The following NRXN3 variants were observed in gnomAD, a reference collection of about 807,000 sequenced individuals.
NRXN3 encodes neurexin III.
A neutral mutation model predicts 137.6 loss-of-function variants in NRXN3; 32 were observed. That is an observed-to-expected ratio of 0.23 (90% CI 0.18 to 0.31). The LOEUF (loss-of-function observed/expected upper bound fraction) is 0.31, where lower values mean the gene tolerates loss of function less well. NRXN3 is among the 10% of genes least tolerant of loss of function. The pLI, the probability that NRXN3 is intolerant of heterozygous loss-of-function variation, is 1.00. For missense variants in NRXN3, 1,574 were observed against 2,062.5 expected, an observed-to-expected ratio of 0.76 and a Z score of 4.59; for synonymous variants, 798 against 784.5, an observed-to-expected ratio of 1.02 and a Z score of -0.29.
At chr14:79,644,374 GAGA>G (rs1489058121) in intron 16 of NRXN3, among the ~76,000 whole-genome samples, 1 of 135,834 alleles carries the variant, frequency 7.4e-6, no homozygotes, top group Non-Finnish European at 1.7e-5. Flanking sequence ...AATCTCCTGA[GAGA>G]AGAAGGTTTG....
chr14:78,411,931 C>T (rs576035034), intron 4 of NRXN3, among the ~76,000 whole-genome samples: 5 of 152,312 alleles, frequency 3.3e-5, no homozygotes, highest in Admixed American at 3.3e-4. Context: ...GTTTTCATTT[C>T]CAAATAGAAA....
intron 19 of NRXN3, among the ~76,000 whole-genome samples, chr14:79,727,760 G>A (rs2098900146): frequency 6.6e-6 from 1 of 152,038 alleles, no homozygotes; most frequent in African/African-American, 2.4e-5. Context: ...CCCCCATTGT[G>A]CAAATATTAT....
intron 10 of NRXN3, among the ~76,000 whole-genome samples, chr14:78,869,281 G>C (rs1027678821): frequency 6.6e-6 from 1 of 152,028 alleles, no homozygotes; most frequent in Non-Finnish European, 1.5e-5. Flanking sequence ...TTCTCCACAC[G>C]ATCACTGATC....
At chr14:78,892,228 C>A (rs2099161107) in intron 10 of NRXN3, among the ~76,000 whole-genome samples, 1 of 151,892 alleles carries the variant, frequency 6.6e-6, no homozygotes, top group Non-Finnish European at 1.5e-5. Flanking sequence ...CTTTAATGTG[C>A]TAAAGGATGC....
chr14:79,610,773 G>A lies in NRXN3; in HGVS notation c.3445-53005G>A, dbSNP rs184365515. On this transcript the variant is annotated intron_variant, in intron 16 of 20. Coordinates refer to ENST00000335750, the MANE Select transcript of NRXN3 (RefSeq NM_001330195.2). The stretch of plus-strand genomic sequence containing the variant: ...CACCTTCCTTAAGAAGCAGGGCAAA[G>A]AGGTGACAGTTTTTATACTGAAATC... Among the ~76,000 whole-genome samples the A allele has an allele frequency of 3.3e-5, 5 of 152,328 alleles. No homozygotes were observed. In the East Asian group the frequency reaches 9.6e-4, roughly 29 times the overall value.
chr14:78,825,597 G>A (rs1412646516), intron 10 of NRXN3, among the ~76,000 whole-genome samples: 3 of 152,200 alleles, frequency 2.0e-5, no homozygotes, highest in Non-Finnish European at 2.9e-5. Context: ...GCCTCACGGC[G>A]TGAATTGCTC....
At chr14:78,353,180 G>A (rs888646235) in intron 4 of NRXN3, among the ~76,000 whole-genome samples, 1 of 152,174 alleles carries the variant, frequency 6.6e-6, no homozygotes, top group African/African-American at 2.4e-5. Flanking sequence ...TAATGCTAAG[G>A]AAAGTCAGGG....
At chr14:78,708,675 C>T (rs1419447639) in intron 6 of NRXN3, 1 of 153,212 alleles carries the variant, frequency 6.5e-6, no homozygotes, top group Non-Finnish European at 1.5e-5. Flanking sequence ...CCCACGCCCC[C>T]ACACTTTTAC....
chr14:79,685,500 G>A (rs2098690958), intron 17 of NRXN3, among the ~76,000 whole-genome samples: 1 of 152,108 alleles, frequency 6.6e-6, no homozygotes, highest in Admixed American at 6.6e-5. Context: ...TTTATAACAT[G>A]GCCTTTTTGA....
At chr14:79,830,723 C>A (rs2099320687) in intron 20 of NRXN3, among the ~76,000 whole-genome samples, 1 of 152,192 alleles carries the variant, frequency 6.6e-6, no homozygotes, top group Non-Finnish European at 1.5e-5. Context: ...TAACCATAGA[C>A]ACAGGCAAAG....
chr14:78,185,267 A>G (rs2060142005), intron 1 of NRXN3, among the ~76,000 whole-genome samples: 1 of 152,190 alleles, frequency 6.6e-6, no homozygotes, highest in South Asian at 2.1e-4. Context: ...TGGAGGGAGT[A>G]ATGACCTCCT....
At chr14:79,822,174 C>G (rs1013695635) in intron 20 of NRXN3, among the ~76,000 whole-genome samples, 1 of 152,150 alleles carries the variant, frequency 6.6e-6, no homozygotes, top group Admixed American at 6.5e-5. Context: ...CAAATATATG[C>G]TCTAGTGATG....
chr14:79,442,685 T>C (rs1037450206), intron 15 of NRXN3, among the ~76,000 whole-genome samples: 3 of 152,212 alleles, frequency 2.0e-5, no homozygotes, highest in Non-Finnish European at 4.4e-5. Flanking sequence ...TGTGCCCAAC[T>C]TCAGCTAAAG....
intron 15 of NRXN3, among the ~76,000 whole-genome samples, chr14:79,302,768 C>G (rs2085359878): frequency 6.6e-6 from 1 of 151,916 alleles, no homozygotes; most frequent in Admixed American, 6.6e-5. Flanking sequence ...TTGGTTTTCC[C>G]TCACCTTCTG....
intron 10 of NRXN3, among the ~76,000 whole-genome samples, chr14:78,883,934 A>G (rs565521785): frequency 1.3e-5 from 2 of 152,310 alleles, no homozygotes; most frequent in South Asian, 4.1e-4. Context: ...TTAGTTCTTT[A>G]AATTTCTTTT....
intron 15 of NRXN3, among the ~76,000 whole-genome samples, chr14:79,003,577 A>G (rs571980471): frequency 7.0e-4 from 106 of 152,274 alleles, no homozygotes; most frequent in African/African-American, 1.6e-3. Flanking sequence ...CCCGTAGCCA[A>G]ACTCTCATCC....
chr14:79,161,792 C>T (rs942910135), intron 15 of NRXN3, among the ~76,000 whole-genome samples: 9 of 151,938 alleles, frequency 5.9e-5, no homozygotes, highest in African/African-American at 9.6e-5. Context: ...TCGTCCTGAA[C>T]GGGTCATGCT....
At chr14:79,218,831 A>G (rs1190808697) in intron 15 of NRXN3, among the ~76,000 whole-genome samples, 1 of 152,110 alleles carries the variant, frequency 6.6e-6, no homozygotes, top group Non-Finnish European at 1.5e-5. Flanking sequence ...GTAAGCCAGG[A>G]AGAGGAGTTG....
chr14:78,557,247 G>T (rs2096747732), intron 4 of NRXN3, among the ~76,000 whole-genome samples: 1 of 147,372 alleles, frequency 6.8e-6, no homozygotes, highest in Non-Finnish European at 1.5e-5. Context: ...TAGAGATGCA[G>T]TCTCCCCATG....
Sources: allele counts gnomAD v4.1 joint callset (sites outside exome capture counted in the v4.1 genomes callset), GRCh38; gene constraint gnomAD v4.1.1; transcripts MANE v1.5; gene names NCBI Gene and HGNC (gene_info 2026-07-23, HGNC 2026-07-21).